The following TXNDC9 variants were observed in gnomAD, a reference collection of about 807,000 sequenced individuals.
The protein encoded by TXNDC9 is thioredoxin domain-containing protein 9.
In TXNDC9, 7 loss-of-function variants were observed where a neutral mutation model predicts 23.0. The observed-to-expected ratio is 0.30, with a 90% CI of 0.17 to 0.57. The LOEUF is 0.57. TXNDC9 is among the 20% of genes least tolerant of loss of function. The pLI, the probability that TXNDC9 is intolerant of heterozygous loss-of-function variation, is 0.90. For synonymous variants in TXNDC9, 72 were observed against 90.6 expected (o/e 0.79, Z 1.17); for missense variants, 198 against 252.6 (o/e 0.78, Z 1.47).
chr2:99,309,408 GTAATC>G, the TXNDC9 span, among the ~76,000 whole-genome samples: 1 of 151,942 alleles, frequency 6.6e-6, no homozygotes, highest in Admixed American at 6.6e-5. Context: ...AAATTAAAGA[GTAATC>G]TAATGAGACA....
In TXNDC9 at chr2:99,322,169, T is replaced by C; in HGVS notation, c.349A>G (p.Lys117Glu). 2 of 1,614,180 alleles carry C rather than the reference T, an allele frequency of 1.2e-6. No homozygotes were observed. Among genetic ancestry groups the C allele is most frequent in the Non-Finnish European group, 1.7e-6 (2 of 1,180,020 alleles). Residue 117 changes from lysine to glutamate, a missense_variant, in exon 4 of 5, where the codon AAA (lysine) becomes GAA (glutamate). By Grantham distance (56) the Lys-to-Glu change is moderately conservative. Coordinates refer to ENST00000264255, the MANE Select transcript of TXNDC9 (RefSeq NM_005783.4). ...TTCAAAAATTTGGTCTCGAGGTGTT[T>C]CTTGGACAATATTGCCAGATGTCTG... Reference protein sequence around the residue: ...LDRHLAILSKKHLETKFLKLN... With the variant: ...LDRHLAILSKEHLETKFLKLN...
chr2:99,332,959 T>C, intron 2 of TXNDC9, 63 bp downstream of exon 2: 1 of 1,269,636 alleles, frequency 7.9e-7, no homozygotes, highest in Non-Finnish European at 1.1e-6. Flanking sequence ...ACAGCACATG[T>C]ATATATAAGT....
chr2:99,315,063 T>A (rs1481058187), downstream of TXNDC9, among the ~76,000 whole-genome samples: 2 of 133,968 alleles, frequency 1.5e-5, no homozygotes, highest in Non-Finnish European at 3.2e-5. Flanking sequence ...GCCTGGTTAA[T>A]TTTTTTTTTT....
At chr2:99,308,949 G>A in the TXNDC9 span, among the ~76,000 whole-genome samples, 48 of 152,134 alleles carry the variant, frequency 3.2e-4, 1 homozygote, top group South Asian at 6.0e-3. Context: ...TGATCCGCCC[G>A]CCTCGGCCTC....
intron 1 of TXNDC9, 84 bp downstream of exon 1, chr2:99,336,155 C>T (rs2094239621): frequency 1.0e-6 from 1 of 978,522 alleles, no homozygotes; most frequent in Non-Finnish European, 1.2e-6. Flanking sequence ...CCGCGCCCCT[C>T]CTCCGCTCCG....
the TXNDC9 span, among the ~76,000 whole-genome samples, chr2:99,312,853 ATAAT>A: frequency 6.6e-6 from 1 of 152,202 alleles, no homozygotes; most frequent in South Asian, 2.1e-4. Context: ...AAATAATTGT[ATAAT>A]TAATGGTAAA....
Position 99,333,164 on chromosome 2 carries a change from T to C in TXNDC9, c.47A>G (p.His16Arg), listed in dbSNP as rs1378421233. Reference sequence around the variant, plus strand: ...CAGTTTGGTAGTCTGAAGCAGCTGATGCTCCAGGACTTTGGAAAACATGTC... The same window carrying C: ...CAGTTTGGTAGTCTGAAGCAGCTGACGCTCCAGGACTTTGGAAAACATGTC... ...SVDMFSKVLE[H>R]QLLQTTKLVE... Residue 16 changes from histidine to arginine, a missense_variant, in exon 2 of 5, where the codon CAT (histidine) becomes CGT (arginine). His to Arg is a conservative substitution (Grantham distance 29). Transcript: ENST00000264255. The C allele has an allele frequency of 6.2e-7, 1 of 1,614,218 alleles. No individual in the cohort carries two copies. The highest frequency in any genetic ancestry group is 8.5e-7 in the Non-Finnish European group (1 of 1,180,028).
downstream of TXNDC9, among the ~76,000 whole-genome samples, chr2:99,316,117 CTTT>C (rs57142545): frequency 0.23 from 31,165 of 136,118 alleles, 3,365 homozygotes; most frequent in Admixed American, 0.32. Context: ...ATTTCTTTTT[CTTT>C]TTTTTTTTTT....
downstream of TXNDC9, among the ~76,000 whole-genome samples, chr2:99,318,538 AC>A (rs2094194754): frequency 1.3e-5 from 2 of 152,044 alleles, no homozygotes; most frequent in African/African-American, 4.8e-5. Context: ...CTCCAGAGCT[AC>A]GGGTGGGGAC....
At chr2:99,309,775 C>T in the TXNDC9 span, among the ~76,000 whole-genome samples, 1 of 152,150 alleles carries the variant, frequency 6.6e-6, no homozygotes, top group Non-Finnish European at 1.5e-5. Flanking sequence ...CAACTTCTAC[C>T]TCCCAGGTTC....
At chr2:99,327,467 C>T in intron 3 of TXNDC9, 68 bp downstream of exon 3, 1 of 1,084,434 alleles carries the variant, frequency 9.2e-7, no homozygotes, top group South Asian at 1.4e-5. Context: ...TCTAGTAAGC[C>T]AGTATATCTC....
chr2:99,332,180 C>T lies in TXNDC9; in HGVS notation c.189+842G>A, dbSNP rs116963235. Among the ~76,000 whole-genome samples the T allele has an allele frequency of 1.6e-4, 25 of 152,308 alleles. 1 individual carries two copies. In the East Asian group the frequency reaches 4.8e-3, roughly 29 times the overall value. On this transcript the variant is annotated intron_variant, in intron 2 of 4. Coordinates refer to ENST00000264255, the MANE Select transcript of TXNDC9 (RefSeq NM_005783.4). ...CAATTTGGCCAGGTGCGGTAGCTCACGCTTGTAATCCCATCACTTTGGCAG... is the reference window on the plus strand; with the variant it reads ...CAATTTGGCCAGGTGCGGTAGCTCATGCTTGTAATCCCATCACTTTGGCAG...
At chr2:99,325,483 G>T (rs973168634) in intron 3 of TXNDC9, among the ~76,000 whole-genome samples, 7 of 152,172 alleles carry the variant, frequency 4.6e-5, no homozygotes, top group Non-Finnish European at 7.3e-5. Context: ...CCTACTATGT[G>T]CTAGGAACTT....
At chr2:99,322,605 A>G (rs1436140454) in intron 3 of TXNDC9, 1 of 1,540,278 alleles carries the variant, frequency 6.5e-7, no homozygotes, top group Non-Finnish European at 8.7e-7. Context: ...GAAGTCATGA[A>G]GAAAAACTGA....
chr2:99,325,480 T>C (rs1185338032), intron 3 of TXNDC9, among the ~76,000 whole-genome samples: 1 of 152,202 alleles, frequency 6.6e-6, no homozygotes. Flanking sequence ...CTGCCTACTA[T>C]GTGCTAGGAA....
At chr2:99,329,253 A>G (rs1299684623) in intron 2 of TXNDC9, among the ~76,000 whole-genome samples, 1 of 152,192 alleles carries the variant, frequency 6.6e-6, no homozygotes, top group African/African-American at 2.4e-5. Context: ...CAAACATCAC[A>G]TATTGCCTAA....
At chr2:99,328,523 G>A (rs1238328058) in intron 2 of TXNDC9, among the ~76,000 whole-genome samples, 2 of 152,156 alleles carry the variant, frequency 1.3e-5, no homozygotes, top group African/African-American at 4.8e-5. Flanking sequence ...ACAATTACCT[G>A]TCTTTGTAGC....
chr2:99,325,729 G>A (rs1220248993), intron 3 of TXNDC9, among the ~76,000 whole-genome samples: 2 of 152,178 alleles, frequency 1.3e-5, no homozygotes, highest in African/African-American at 4.8e-5. Context: ...AAACAAGTGA[G>A]GCCGGGTGCC....
Position 99,319,484 on chromosome 2 carries a change from T to G in TXNDC9, c.*198A>C, listed in dbSNP as rs1162231128. 2.2e-6 allele frequency: 1 copy of G among 464,686 alleles called. No homozygotes were observed. The highest frequency in any genetic ancestry group is 3.8e-5 in the East Asian group (1 of 26,008). 28.8% of individuals were successfully genotyped at this position (464,686 alleles called of 1,614,324 possible). On this transcript the variant is annotated 3_prime_UTR_variant, in exon 5 of 5. Transcript: ENST00000264255. ...GAATCCAGACCCTTCCCAGATAATT[T>G]AAGAACTGAGTTTTCCTCAACTTAA... is the stretch of plus-strand genomic sequence containing the variant.
Sources: allele counts gnomAD v4.1 joint callset (sites outside exome capture counted in the v4.1 genomes callset), GRCh38; gene constraint gnomAD v4.1.1; transcripts MANE v1.5; gene names NCBI Gene and HGNC (gene_info 2026-07-23, HGNC 2026-07-21).